SLC38A1: variants seen among roughly 807,000 people sequenced by gnomAD.
The protein encoded by SLC38A1 is sodium-coupled neutral amino acid symporter 1.
Under a neutral mutation model 60.3 loss-of-function variants are expected in SLC38A1, and 18 were observed. That is an observed-to-expected ratio of 0.30 (90% CI 0.21 to 0.44). SLC38A1 has a LOEUF of 0.44. Ranked by LOEUF, SLC38A1 falls within the 20% of genes least tolerant of loss-of-function variation. SLC38A1 has a pLI of 1.00. For missense variants in SLC38A1, 448 were observed against 587.2 expected, an observed-to-expected ratio of 0.76 and a Z score of 2.45; for synonymous variants, 196 against 212.1, an observed-to-expected ratio of 0.92 and a Z score of 0.66.
chr12:46,185,919 G>A lies in SLC38A1; in HGVS notation c.*3051C>T, dbSNP rs1938923133. On this transcript the variant is annotated 3_prime_UTR_variant, in exon 17 of 17. Coordinates refer to ENST00000398637, the MANE Select transcript of SLC38A1 (RefSeq NM_030674.4). ...CCCTACTGTCCAGTAGGTGGGATGTGGCTGGGATGGACAGTCCAGATTCTA... is the reference window on the plus strand; with the variant it reads ...CCCTACTGTCCAGTAGGTGGGATGTAGCTGGGATGGACAGTCCAGATTCTA... 6.6e-6 allele frequency: 1 copy of A among 152,150 alleles called. No homozygotes were observed. Among genetic ancestry groups the A allele is most frequent in the Non-Finnish European group, 1.5e-5 (1 of 68,064 alleles). The allele number at this position is 152,150 out of a possible 1,614,324, so 9.4% of individuals were successfully genotyped here.
chr12:46,255,198 AC>A (rs1941980480), intron 1 of SLC38A1, among the ~76,000 whole-genome samples: 1 of 152,240 alleles, frequency 6.6e-6, no homozygotes, highest in Non-Finnish European at 1.5e-5. Flanking sequence ...AAACAAGAAA[AC>A]GATTGTCTGT....
rs576259176 is a variant in SLC38A1 at position 46,184,561 on chromosome 12, A to T, written c.*4409T>A. On this transcript the variant is annotated 3_prime_UTR_variant, in exon 17 of 17. Coordinates refer to ENST00000398637, the MANE Select transcript of SLC38A1 (RefSeq NM_030674.4). ...CCTGACCTCCCCCCGACTCCAACTA[A>T]ATGTGCCATAGTCCAACACTGTGCC... The T allele has an allele frequency of 1.3e-5, 2 of 152,214 alleles. No individual in the cohort carries two copies. Among genetic ancestry groups the T allele is most frequent in the East Asian group, 3.9e-4 (2 of 5,170 alleles). 9.4% of individuals were successfully genotyped at this position (152,214 alleles called of 1,614,324 possible). A position where few individuals can be genotyped will look rare whatever the true frequency, so the allele number is the denominator to read the frequency against.
At chr12:46,237,379 T>C (rs868599058) in intron 3 of SLC38A1, among the ~76,000 whole-genome samples, 2 of 148,912 alleles carry the variant, frequency 1.3e-5, no homozygotes, top group South Asian at 2.1e-4. Context: ...TTGGCAAGGG[T>C]CTTTTTCTTT....
intron 5 of SLC38A1, among the ~76,000 whole-genome samples, chr12:46,214,379 C>T (rs1218447009): frequency 1.3e-5 from 2 of 152,170 alleles, no homozygotes; most frequent in Non-Finnish European, 2.9e-5. Context: ...ATCTAAACAT[C>T]GATTTGAAAA....
rs1178855249 is a variant in SLC38A1 at position 46,184,625 on chromosome 12, C to G, written c.*4345G>C. ...ACTCAGTATTTCATTCTTTTGAGAG[C>G]AGTTTGTAGCTCCTTAAGCAGAGCA... On this transcript the variant is annotated 3_prime_UTR_variant, in exon 17 of 17. Coordinates refer to ENST00000398637, the MANE Select transcript of SLC38A1 (RefSeq NM_030674.4). The G allele has an allele frequency of 6.6e-6, 1 of 152,138 alleles. No individual in the cohort carries two copies. Among genetic ancestry groups the G allele is most frequent in the African/African-American group, 2.4e-5 (1 of 41,408 alleles). The allele number at this position is 152,138 out of a possible 1,614,324, so 9.4% of individuals were successfully genotyped here.
intron 1 of SLC38A1, among the ~76,000 whole-genome samples, chr12:46,245,307 T>A (rs868038722): frequency 6.6e-6 from 1 of 152,218 alleles, no homozygotes; most frequent in Non-Finnish European, 1.5e-5. Context: ...TGAGAAAGTA[T>A]TAGTAGACAT....
chr12:46,196,420 T>G (rs765107441), intron 16 of SLC38A1: 16 of 1,159,836 alleles, frequency 1.4e-5, no homozygotes, highest in Non-Finnish European at 1.9e-5. Flanking sequence ...AGTTTCATTA[T>G]GGGACCAGGG....
chr12:46,210,466 G>C (rs1002041986), intron 5 of SLC38A1, among the ~76,000 whole-genome samples: 1 of 152,176 alleles, frequency 6.6e-6, no homozygotes, highest in South Asian at 2.1e-4. Context: ...TTTAGGTTAA[G>C]ATATGATTGG....
chr12:46,200,988 G>A (rs1019958950), intron 13 of SLC38A1, 110 bp downstream of exon 13: 15 of 779,660 alleles, frequency 1.9e-5, no homozygotes, highest in Non-Finnish European at 3.0e-5. Flanking sequence ...AAAAACCAAT[G>A]GATAGCTTTG....
chr12:46,243,191 A>G lies in SLC38A1; in HGVS notation c.-94+9T>C, dbSNP rs916257407. On this transcript the variant is annotated intron_variant, in intron 2 of 16. Transcript: ENST00000398637. ...ATGGAATAAAATGAGCAAAAAGAAA[A>G]AAGTTCACCTGTTAGCTCAGCAAGC... is the stretch of plus-strand genomic sequence containing the variant. 13 of 152,036 alleles carry G rather than the reference A, an allele frequency of 8.6e-5. No individual in the cohort carries two copies. Among genetic ancestry groups the G allele is most frequent in the African/African-American group, 3.1e-4 (13 of 41,414 alleles). 9.4% of individuals were successfully genotyped at this position (152,036 alleles called of 1,614,324 possible).
At chr12:46,231,328 C>T (rs1463291995) in intron 3 of SLC38A1, among the ~76,000 whole-genome samples, 1 of 152,180 alleles carries the variant, frequency 6.6e-6, no homozygotes, top group Non-Finnish European at 1.5e-5. Flanking sequence ...GGATGAAACA[C>T]TATCCAATGG....
chr12:46,190,004 G>A (rs1311632454), intron 16 of SLC38A1, among the ~76,000 whole-genome samples: 2 of 151,954 alleles, frequency 1.3e-5, no homozygotes, highest in African/African-American at 2.4e-5. Flanking sequence ...TTGTTACATA[G>A]GTATACATGT....
At chr12:46,258,770 C>T (rs898486655) in intron 1 of SLC38A1, among the ~76,000 whole-genome samples, 8 of 152,362 alleles carry the variant, frequency 5.3e-5, no homozygotes, top group East Asian at 1.9e-4. Context: ...TCTCCTGCTT[C>T]GGCCTCCCGA....
chr12:46,213,384 C>T (rs1286174092), intron 5 of SLC38A1, among the ~76,000 whole-genome samples: 1 of 152,156 alleles, frequency 6.6e-6, no homozygotes, highest in African/African-American at 2.4e-5. Flanking sequence ...TACATTTTAT[C>T]TTTCAAGTCT....
chr12:46,261,916 T>C (rs1484863054), intron 1 of SLC38A1, among the ~76,000 whole-genome samples: 1 of 152,202 alleles, frequency 6.6e-6, no homozygotes, highest in African/African-American at 2.4e-5. Context: ...GAGGGGGTGC[T>C]GCAGGCATCT....
At chr12:46,227,726 G>A (rs920423710) in intron 5 of SLC38A1, among the ~76,000 whole-genome samples, 2 of 152,156 alleles carry the variant, frequency 1.3e-5, no homozygotes, top group Non-Finnish European at 2.9e-5. Flanking sequence ...AATAGTCACA[G>A]AACCATAGCG....
At chr12:46,219,713 A>G (rs929170252) in intron 5 of SLC38A1, among the ~76,000 whole-genome samples, 7 of 152,344 alleles carry the variant, frequency 4.6e-5, no homozygotes, top group East Asian at 1.9e-4. Context: ...GATAACTCCA[A>G]CCTGGCCTAC....
At chr12:46,219,444 C>T (rs929074472) in intron 5 of SLC38A1, among the ~76,000 whole-genome samples, 4 of 152,106 alleles carry the variant, frequency 2.6e-5, no homozygotes. Context: ...GTCAATCTTA[C>T]CTAGCCAGCC....
intron 8 of SLC38A1, 87 bp from the exon 9 acceptor site, chr12:46,206,249 T>A: frequency 1.5e-6 from 1 of 671,264 alleles, no homozygotes; most frequent in East Asian, 2.9e-5. Flanking sequence ...TATCATGATA[T>A]ATATTTTTAT....
Sources: gnomAD v4.1 joint callset for allele counts (sites outside exome capture counted in the v4.1 genomes callset) on GRCh38, gnomAD v4.1.1 for gene constraint, MANE v1.5 for transcripts, NCBI Gene and HGNC (gene_info 2026-07-23, HGNC 2026-07-21) for gene names.